PDE1A: variants seen among roughly 807,000 people sequenced by gnomAD.
The protein encoded by PDE1A is phosphodiesterase 1A, also known as dual specificity calcium/calmodulin-dependent 3',5'-cyclic nucleotide phosphodiesterase 1A.
A neutral mutation model predicts 61.7 loss-of-function variants in PDE1A; 35 were observed. The ratio of observed to expected loss-of-function variants is 0.57; its 90% CI spans 0.43 to 0.75. PDE1A has a LOEUF of 0.75. Ranked by LOEUF, PDE1A falls within the 30% of genes least tolerant of loss-of-function variation. The pLI is 0.00. For synonymous variants in PDE1A, 232 were observed against 213.2 expected, an observed-to-expected ratio of 1.09 and a Z score of -0.77; for missense variants, 597 against 630.6, an observed-to-expected ratio of 0.95 and a Z score of 0.57.
At chr2:182,232,120 T>C (rs1689632170) in intron 4 of PDE1A, among the ~76,000 whole-genome samples, 1 of 152,074 alleles carries the variant, frequency 6.6e-6, no homozygotes, top group Non-Finnish European at 1.5e-5. Context: ...AGGAGGATAG[T>C]AATACTCGCA....
At chr2:182,141,321 G>C (rs1340745502) in exon 15 of PDE1A, 1 of 152,062 alleles carries the variant, frequency 6.6e-6, no homozygotes, top group Non-Finnish European at 1.5e-5. Flanking sequence ...AGTAGTTACA[G>C]TCTCTCCATA....
At chr2:182,501,213 A>G (rs1211577470) in intron 2 of PDE1A, among the ~76,000 whole-genome samples, 2 of 152,202 alleles carry the variant, frequency 1.3e-5, no homozygotes, top group South Asian at 2.1e-4. Flanking sequence ...GGTTAATAAC[A>G]TATTTCACAG....
chr2:182,702,241 T>C, the PDE1A span, among the ~76,000 whole-genome samples: 7 of 152,110 alleles, frequency 4.6e-5, no homozygotes, highest in Non-Finnish European at 7.4e-5. Flanking sequence ...GTAGCTGGGA[T>C]TGCAGGCATG....
At chr2:182,436,875 T>C (rs747054021) in intron 2 of PDE1A, among the ~76,000 whole-genome samples, 1 of 152,044 alleles carries the variant, frequency 6.6e-6, no homozygotes, top group Non-Finnish European at 1.5e-5. Flanking sequence ...CTTACTAACA[T>C]ATTGCACTGC....
At chr2:182,605,928 C>T in the PDE1A span, among the ~76,000 whole-genome samples, 1 of 152,162 alleles carries the variant, frequency 6.6e-6, no homozygotes, top group African/African-American at 2.4e-5. Flanking sequence ...TCAAGGATGT[C>T]ACATCTTCCA....
At chr2:182,414,778 G>A (rs1031239578) in intron 1 of PDE1A, among the ~76,000 whole-genome samples, 3 of 152,132 alleles carry the variant, frequency 2.0e-5, no homozygotes, top group African/African-American at 4.8e-5. Flanking sequence ...AGTAGAGAGA[G>A]TGGGAAATGA....
intron 1 of PDE1A, among the ~76,000 whole-genome samples, chr2:182,414,984 G>A (rs920940035): frequency 2.0e-5 from 3 of 152,074 alleles, no homozygotes; most frequent in Admixed American, 2.0e-4. Flanking sequence ...CCTTAGACTG[G>A]AGTCGGAAAG....
intron 7 of PDE1A, among the ~76,000 whole-genome samples, chr2:182,212,617 T>C (rs1687729930): frequency 6.6e-6 from 1 of 152,016 alleles, no homozygotes; most frequent in Non-Finnish European, 1.5e-5. Flanking sequence ...GCGCAAGGGG[T>C]CAGGGAGTTC....
At chr2:182,232,693 C>CTGTT (rs1399881171) in intron 4 of PDE1A, among the ~76,000 whole-genome samples, 1 of 152,098 alleles carries the variant, frequency 6.6e-6, no homozygotes, top group African/African-American at 2.4e-5. Flanking sequence ...ATTATAAGTT[C>CTGTT]TGTTAGAAGG....
intron 2 of PDE1A, among the ~76,000 whole-genome samples, chr2:182,458,292 C>CA (rs1422490969): frequency 6.6e-6 from 1 of 151,812 alleles, no homozygotes; most frequent in African/African-American, 2.4e-5. Context: ...AATAAAAAAA[C>CA]AAAAAAAGCA....
intron 2 of PDE1A, among the ~76,000 whole-genome samples, chr2:182,458,874 C>T (rs77728868): frequency 5.9e-5 from 9 of 151,828 alleles, no homozygotes; most frequent in African/African-American, 1.9e-4. Flanking sequence ...ATAATTACAC[C>T]GATAACTGTG....
intron 2 of PDE1A, among the ~76,000 whole-genome samples, chr2:182,441,963 A>C (rs1185647232): frequency 6.6e-6 from 1 of 152,132 alleles, no homozygotes; most frequent in Non-Finnish European, 1.5e-5. Context: ...GGAAAACATC[A>C]ACTGATAAAT....
intron 13 of PDE1A, among the ~76,000 whole-genome samples, chr2:182,158,430 T>A (rs184312097): frequency 1.4e-4 from 22 of 152,328 alleles, no homozygotes; most frequent in African/African-American, 4.8e-4. Context: ...GTACTGCCTT[T>A]ATTTGATGAA....
intron 13 of PDE1A, among the ~76,000 whole-genome samples, chr2:182,172,734 A>AT (rs1692348040): frequency 1.3e-5 from 2 of 152,094 alleles, no homozygotes; most frequent in Non-Finnish European, 2.9e-5. Flanking sequence ...AGAAGATGGC[A>AT]TTTTAATTGA....
intron 1 of PDE1A, among the ~76,000 whole-genome samples, chr2:182,419,236 A>G (rs1406456264): frequency 6.6e-6 from 1 of 152,142 alleles, no homozygotes; most frequent in Non-Finnish European, 1.5e-5. Context: ...TTCAAGGATT[A>G]TATACTTCAT....
intron 13 of PDE1A, among the ~76,000 whole-genome samples, chr2:182,162,451 A>C (rs568051431): frequency 6.6e-6 from 1 of 152,294 alleles, no homozygotes; most frequent in South Asian, 2.1e-4. Flanking sequence ...TTCTGGGTCA[A>C]GTGAAGAAAA....
chr2:182,430,680 C>A (rs1703891043), upstream of PDE1A, among the ~76,000 whole-genome samples: 3 of 127,574 alleles, frequency 2.4e-5, 1 homozygote, highest in Admixed American at 1.7e-4. Context: ...CGGCACTATT[C>A]ACAATAGCAA....
intron 1 of PDE1A, among the ~76,000 whole-genome samples, chr2:182,361,075 C>T (rs148262867): frequency 2.2e-3 from 339 of 152,122 alleles, no homozygotes; most frequent in African/African-American, 7.7e-3. Flanking sequence ...CATTACACAC[C>T]GGCCGAAACT....
chr2:182,643,453 G>T, the PDE1A span, among the ~76,000 whole-genome samples: 2 of 152,124 alleles, frequency 1.3e-5, no homozygotes, highest in African/African-American at 4.8e-5. Flanking sequence ...GTCTTACCTT[G>T]TCTTTTCTCA....
Sources: allele counts gnomAD v4.1 joint callset (sites outside exome capture counted in the v4.1 genomes callset), GRCh38; gene constraint gnomAD v4.1.1; transcripts MANE v1.5; gene names NCBI Gene and HGNC (gene_info 2026-07-23, HGNC 2026-07-21).